Variants in FAM24A observed in about 807,000 individuals in gnomAD.
FAM24A encodes family with sequence similarity 24 member A.
FAM24A carries 2 observed loss-of-function variants against 2.8 expected under a neutral mutation model. That is an observed-to-expected ratio of 0.73 (90% CI 0.30 to 2.28). The LOEUF is 2.28. FAM24A is among the 30% of genes most tolerant of loss of function. The pLI is 0.12. For missense variants in FAM24A, 109 were observed against 132.0 expected, an observed-to-expected ratio of 0.83 and a Z score of 0.85; for synonymous variants, 46 against 47.5, an observed-to-expected ratio of 0.97 and a Z score of 0.13.
Position 122,913,057 on chromosome 10 carries a change from T to C in FAM24A, c.*103T>C. ...TCTAGAGTGTTTACATACTATTATA[T>C]AATGTACAGTGTTATTTTCTGTACT... On this transcript the variant is annotated 3_prime_UTR_variant, in exon 3 of 3. Transcript: ENST00000368894. 1.0e-6 allele frequency: 1 copy of C among 987,072 alleles called. No homozygotes were observed. The highest frequency in any genetic ancestry group is 2.0e-5 in the South Asian group (1 of 50,936). The allele number at this position is 987,072 out of a possible 1,614,324, so 61.1% of individuals were successfully genotyped here. A position where few individuals can be genotyped will look rare whatever the true frequency, so the allele number is the denominator to read the frequency against.
In FAM24A at chr10:122,910,726, G is replaced by C. The variant is rs918991987; in HGVS notation, c.-96G>C. Reference sequence around the variant, plus strand: ...TCCCTCTTTCTCAGATTACAGGTTTGAGAAGTTCCAAATATCCGATGCCCT... The same window carrying C: ...TCCCTCTTTCTCAGATTACAGGTTTCAGAAGTTCCAAATATCCGATGCCCT... On this transcript the variant is annotated 5_prime_UTR_variant, in exon 1 of 3. Transcript: ENST00000368894. 2.6e-5 allele frequency: 4 copies of C among 152,154 alleles called. No homozygotes were observed. The highest frequency in any genetic ancestry group is 4.8e-5 in the African/African-American group (2 of 41,430). The allele number at this position is 152,154 out of a possible 1,614,324, so 9.4% of individuals were successfully genotyped here.
At chr10:122,912,251 T>C (rs1848326970) in intron 2 of FAM24A, among the ~76,000 whole-genome samples, 2 of 152,224 alleles carry the variant, frequency 1.3e-5, no homozygotes, top group Admixed American at 6.5e-5. Flanking sequence ...CATTTATTTC[T>C]GGTGGCCTTG....
intron 2 of FAM24A, among the ~76,000 whole-genome samples, chr10:122,912,399 G>A (rs1848328257): frequency 6.6e-6 from 1 of 152,098 alleles, no homozygotes; most frequent in Non-Finnish European, 1.5e-5. Flanking sequence ...AAGTACCAGA[G>A]AGGTTGGTTG....
intron 2 of FAM24A, 105 bp from the exon 3 acceptor site, chr10:122,912,657 G>C: frequency 9.2e-7 from 1 of 1,084,166 alleles, no homozygotes; most frequent in South Asian, 1.5e-5. Flanking sequence ...TGGTGTTCAT[G>C]TTTGATTGGC....
At position 122,912,749 on chromosome 10, in the gene FAM24A, G is replaced by C; in HGVS notation, c.126-13G>C. Reference sequence around the variant, plus strand: ...AAAATTCTAAGCCTGAGCTTTGTGTGTCTTTTCTTAAGAGCTGCAAAGGAC... The same window carrying C: ...AAAATTCTAAGCCTGAGCTTTGTGTCTCTTTTCTTAAGAGCTGCAAAGGAC... On this transcript the variant is annotated splice_polypyrimidine_tract_variant and intron_variant, in intron 2 of 2. Coordinates refer to ENST00000368894, the MANE Select transcript of FAM24A (RefSeq NM_001029888.3). 1 of 1,601,756 alleles carries C rather than the reference G, an allele frequency of 6.2e-7. No homozygotes were observed. The highest frequency in any genetic ancestry group is 8.5e-7 in the Non-Finnish European group (1 of 1,175,728).
chr10:122,912,350 T>C (rs759459692), intron 2 of FAM24A, among the ~76,000 whole-genome samples: 1 of 152,168 alleles, frequency 6.6e-6, no homozygotes, highest in Non-Finnish European at 1.5e-5. Context: ...GAATGTAGGT[T>C]GAACAAAAGA....
chr10:122,912,631 A>G, intron 2 of FAM24A, 131 bp from the exon 3 acceptor site: 1 of 766,130 alleles, frequency 1.3e-6, no homozygotes, highest in Admixed American at 2.6e-5. Context: ...CAAGGGAGAG[A>G]GCCTTAATGT....
Position 122,912,864 on chromosome 10 carries a change from T to C in FAM24A, c.228T>C (p.Cys76=), listed in dbSNP as rs780728099. 1.2e-6 allele frequency: 2 copies of C among 1,614,170 alleles called. No homozygotes were observed. Among genetic ancestry groups the C allele is most frequent in the East Asian group, 2.2e-5 (1 of 44,872 alleles). ...CCAAAGCCACCACCATGGAGTCTTG[T>C]CCATCTCTCCAGTGCTGTGAAGGTT... ...SQAKATTMES[C]PSLQCCEGCR... Residue 76 remains cysteine (C), a synonymous_variant, in exon 3 of 3, where the codon TGT becomes TGC. Coordinates refer to ENST00000368894, the MANE Select transcript of FAM24A (RefSeq NM_001029888.3).
Position 122,911,753 on chromosome 10 carries a change from C to G in FAM24A, c.119C>G (p.Ala40Gly), listed in dbSNP as rs770012054. The change falls in exon 2 of 3, where the codon GCA becomes GGA. Residue 40 changes from alanine (A) to glycine (G), a missense_variant. Coordinates refer to ENST00000368894, the MANE Select transcript of FAM24A (RefSeq NM_001029888.3). ...VFCLYFKVAK[A>G]LKAAKDPDAV... Reference sequence around the variant, plus strand: ...TGTCTTTACTTCAAAGTAGCTAAGGCACTAAAGTGAGTCATGTGGGGGAAA... The same window carrying G: ...TGTCTTTACTTCAAAGTAGCTAAGGGACTAAAGTGAGTCATGTGGGGGAAA... 1.2e-6 allele frequency: 2 copies of G among 1,614,090 alleles called. No individual in the cohort carries two copies. Among genetic ancestry groups the G allele is most frequent in the Non-Finnish European group, 1.7e-6 (2 of 1,179,990 alleles).
chr10:122,911,610 G>A (rs781192172), intron 1 of FAM24A, 23 bp from the exon 2 acceptor site: 75 of 1,611,580 alleles, frequency 4.7e-5, no homozygotes, highest in Non-Finnish European at 6.0e-5. Flanking sequence ...GCCACGTTCT[G>A]CTTCCCTGCA....
chr10:122,912,834 C>G lies in FAM24A; in HGVS notation c.198C>G (p.Ser66Arg), dbSNP rs201051233. 1.5e-4 allele frequency: 237 copies of G among 1,614,142 alleles called. No homozygotes were observed. The African/African-American group carries it at 2.7e-3, about 18-fold the overall frequency. ...ACAAGGTGTGTTGGGCCACGAACAG[C>G]CAGGCCAAAGCCACCACCATGGAGT... ...NPDKVCWATN[S>R]QAKATTMESC... is the part of the protein sequence containing the mutation. Residue 66 changes from serine (S) to arginine (R), a missense_variant, in exon 3 of 3, where the codon AGC becomes AGG. Physicochemically the swap from Ser to Arg is moderately radical, Grantham distance 110. Transcript: ENST00000368894.
chr10:122,910,927 T>C (rs1848312430), intron 1 of FAM24A, 108 bp downstream of exon 1: 1 of 152,208 alleles, frequency 6.6e-6, no homozygotes, highest in African/African-American at 2.4e-5. Flanking sequence ...AAATTGGGTT[T>C]CCTGGGAGAA....
chr10:122,911,867 G>A, intron 2 of FAM24A, 108 bp downstream of exon 2: 3 of 1,406,132 alleles, frequency 2.1e-6, no homozygotes, highest in Middle Eastern at 1.9e-4. Flanking sequence ...CTGAGTGAGT[G>A]AGGACAAGAA....
In FAM24A at chr10:122,910,676, A is replaced by G. The variant is rs556282323; in HGVS notation, c.-146A>G. 6.6e-6 allele frequency: 1 copy of G among 152,282 alleles called. No individual in the cohort carries two copies. Among genetic ancestry groups the G allele is most frequent in the African/African-American group, 2.4e-5 (1 of 41,552 alleles). 9.4% of individuals were successfully genotyped at this position (152,282 alleles called of 1,614,324 possible). A position where few individuals can be genotyped will look rare whatever the true frequency, so the allele number is the denominator to read the frequency against. The stretch of plus-strand genomic sequence containing the variant: ...CTGAGCTGTTCAACCTTGGATCTTA[A>G]TTACTCCTAGCAGGGATAATTAGGT... On this transcript the variant is annotated 5_prime_UTR_variant, in exon 1 of 3. Transcript: ENST00000368894.
chr10:122,911,605 G>A (rs1159605360), intron 1 of FAM24A, 28 bp from the exon 2 acceptor site: 4 of 1,610,814 alleles, frequency 2.5e-6, no homozygotes, highest in African/African-American at 1.3e-5. Context: ...GGAAGGCCAC[G>A]TTCTGCTTCC....
At chr10:122,912,041 C>T (rs764896259) in intron 2 of FAM24A, among the ~76,000 whole-genome samples, 95 of 152,186 alleles carry the variant, frequency 6.2e-4, no homozygotes, top group Non-Finnish European at 1.1e-3. Context: ...AATTCAGCAC[C>T]TTGGCCAAGC....
Position 122,912,986 on chromosome 10 carries a change from A to G in FAM24A, c.*32A>G. On this transcript the variant is annotated 3_prime_UTR_variant, in exon 3 of 3. Coordinates refer to ENST00000368894, the MANE Select transcript of FAM24A (RefSeq NM_001029888.3). ...AAAGCTGGGCACAAAAATCTTCATGAGCAATATTTCTTTCTTAATAGAATG... is the reference window on the plus strand; with the variant it reads ...AAAGCTGGGCACAAAAATCTTCATGGGCAATATTTCTTTCTTAATAGAATG... 3 of 1,564,168 alleles carry G rather than the reference A, an allele frequency of 1.9e-6. No homozygotes were observed. Among genetic ancestry groups the G allele is most frequent in the Non-Finnish European group, 2.6e-6 (3 of 1,153,550 alleles).
At chr10:122,912,060 G>C (rs182160612) in intron 2 of FAM24A, among the ~76,000 whole-genome samples, 18 of 152,234 alleles carry the variant, frequency 1.2e-4, no homozygotes, top group Admixed American at 9.8e-4. Context: ...GCCTCCCTTT[G>C]TTCAGCACCT....
At chr10:122,912,442 GAC>G (rs1848328870) in intron 2 of FAM24A, among the ~76,000 whole-genome samples, 1 of 151,912 alleles carries the variant, frequency 6.6e-6, no homozygotes, top group Non-Finnish European at 1.5e-5. Flanking sequence ...GGTTCACAGA[GAC>G]ACATCCCGGA....
Sources: gnomAD v4.1 joint callset for allele counts (sites outside exome capture counted in the v4.1 genomes callset) on GRCh38, gnomAD v4.1.1 for gene constraint, MANE v1.5 for transcripts, NCBI Gene and HGNC (gene_info 2026-07-23, HGNC 2026-07-21) for gene names.